Variants in ARHGAP15 observed in about 807,000 individuals in gnomAD.
ARHGAP15 encodes the protein rho GTPase-activating protein 15.
In ARHGAP15, 51 loss-of-function variants were observed where a neutral mutation model predicts 63.7. That is an observed-to-expected ratio of 0.80 (90% CI 0.64 to 1.01). The LOEUF (loss-of-function observed/expected upper bound fraction) is 1.01. Among genes scored for constraint, ARHGAP15 ranks in the 50% least tolerant of loss-of-function variants. The pLI, the probability that ARHGAP15 is intolerant of heterozygous loss-of-function variation, is 0.00. For missense variants in ARHGAP15, 560 were observed against 564.6 expected (o/e 0.99, Z 0.08); for synonymous variants, 191 against 193.8 (o/e 0.99, Z 0.12).
chr2:143,429,007 A>T (rs1445793697), intron 6 of ARHGAP15, among the ~76,000 whole-genome samples: 1 of 152,050 alleles, frequency 6.6e-6, no homozygotes, highest in Non-Finnish European at 1.5e-5. Context: ...GTCTAAGTTG[A>T]TATCTTTATA....
At chr2:143,592,596 T>C (rs944660062) in intron 11 of ARHGAP15, among the ~76,000 whole-genome samples, 11 of 152,174 alleles carry the variant, frequency 7.2e-5, no homozygotes, top group African/African-American at 2.2e-4. Flanking sequence ...ATAGTCCAGG[T>C]CTCCTTAAGT....
intron 11 of ARHGAP15, among the ~76,000 whole-genome samples, chr2:143,622,752 T>G (rs932828167): frequency 8.2e-6 from 1 of 122,164 alleles, no homozygotes; most frequent in African/African-American, 3.3e-5. Flanking sequence ...CCACTTACTA[T>G]AAGCCTTAGA....
At chr2:143,297,370 C>A (rs1054644144) in intron 6 of ARHGAP15, among the ~76,000 whole-genome samples, 6 of 151,974 alleles carry the variant, frequency 3.9e-5, no homozygotes, top group Non-Finnish European at 8.8e-5. Flanking sequence ...TGTGTGTGAA[C>A]ATGGTTGACT....
At chr2:143,481,146 G>A (rs1692061415) in intron 8 of ARHGAP15, among the ~76,000 whole-genome samples, 1 of 151,922 alleles carries the variant, frequency 6.6e-6, no homozygotes, top group South Asian at 2.1e-4. Context: ...ACTGCAGAGT[G>A]GTAAGATGAT....
intron 3 of ARHGAP15, among the ~76,000 whole-genome samples, chr2:143,205,255 T>TAAAA (rs71301732): frequency 5.9e-5 from 5 of 85,460 alleles, no homozygotes; most frequent in African/African-American, 1.7e-4. Context: ...CAGAGAGAGA[T>TAAAA]AAAAAAAAAA....
intron 13 of ARHGAP15, among the ~76,000 whole-genome samples, chr2:143,713,130 A>C (rs1384440333): frequency 6.6e-6 from 1 of 152,210 alleles, no homozygotes; most frequent in Non-Finnish European, 1.5e-5. Flanking sequence ...CATGCTTCTG[A>C]TAAAGACATA....
intron 9 of ARHGAP15, among the ~76,000 whole-genome samples, chr2:143,500,621 G>T (rs146519174): frequency 1.6e-3 from 248 of 152,186 alleles, no homozygotes; most frequent in African/African-American, 5.9e-3. Context: ...AAGAAAATGT[G>T]TTATATATTT....
chr2:143,214,885 A>G (rs1321977997), intron 3 of ARHGAP15, among the ~76,000 whole-genome samples: 9 of 152,212 alleles, frequency 5.9e-5, no homozygotes, highest in Non-Finnish European at 8.8e-5. Context: ...ACCTCTAAAT[A>G]TCTCTTCCTT....
In ARHGAP15 at chr2:143,453,475, T is replaced by C. The variant is rs146745244; in HGVS notation, c.703+16433T>C. Among the ~76,000 whole-genome samples, 401 of 152,184 alleles carry C rather than the reference T, an allele frequency of 2.6e-3. 5 individuals carry two copies. Among genetic ancestry groups the C allele is most frequent in the Admixed American group, 0.017 (266 of 15,238 alleles). On this transcript the variant is annotated intron_variant, in intron 8 of 13. Transcript: ENST00000295095. ...ATAGCATTGTTTGGGAGAATGTAAG[T>C]ACTCAATAAATGTTAATCATAACGT...
At chr2:143,638,721 C>T (rs1056832936) in intron 12 of ARHGAP15, among the ~76,000 whole-genome samples, 2 of 140,870 alleles carry the variant, frequency 1.4e-5, no homozygotes, top group Admixed American at 1.4e-4. Context: ...AGAGACATTC[C>T]AAATTTACAA....
At chr2:143,306,283 C>T (rs1029455631) in intron 6 of ARHGAP15, among the ~76,000 whole-genome samples, 3 of 152,110 alleles carry the variant, frequency 2.0e-5, no homozygotes, top group Non-Finnish European at 4.4e-5. Context: ...ACAGTGGTTA[C>T]TACAGTGTTC....
chr2:143,735,766 A>T (rs1170958501), intron 13 of ARHGAP15, among the ~76,000 whole-genome samples: 1 of 152,182 alleles, frequency 6.6e-6, no homozygotes, highest in African/African-American at 2.4e-5. Context: ...TCAAAAAAAA[A>T]TCCACTTATC....
At chr2:143,555,900 T>C (rs62173114) in intron 10 of ARHGAP15, among the ~76,000 whole-genome samples, 2 of 75,616 alleles carry the variant, frequency 2.6e-5, no homozygotes, top group Admixed American at 1.1e-4. Flanking sequence ...TAGAATAGAA[T>C]AGAATAGAAT....
intron 11 of ARHGAP15, chr2:143,608,213 G>A (rs1319583944): frequency 6.6e-6 from 1 of 152,172 alleles, no homozygotes; most frequent in Non-Finnish European, 1.5e-5. Context: ...CGGCCGTTAA[G>A]ATTTGCTTCA....
intron 6 of ARHGAP15, among the ~76,000 whole-genome samples, chr2:143,323,991 T>G (rs1684144603): frequency 6.6e-6 from 1 of 150,958 alleles, no homozygotes; most frequent in South Asian, 2.1e-4. Flanking sequence ...CTTAAAATGC[T>G]TTATAATTAG....
At chr2:143,331,427 T>A (rs1684542249) in intron 6 of ARHGAP15, among the ~76,000 whole-genome samples, 1 of 152,180 alleles carries the variant, frequency 6.6e-6, no homozygotes, top group African/African-American at 2.4e-5. Flanking sequence ...TCTCCTTTAC[T>A]AGACTGTCCA....
intron 13 of ARHGAP15, among the ~76,000 whole-genome samples, chr2:143,767,710 AT>A (rs1559167711): frequency 6.6e-6 from 1 of 151,988 alleles, no homozygotes; most frequent in South Asian, 2.1e-4. Flanking sequence ...TTTCACAGTC[AT>A]TTTTGCTGTT....
intron 12 of ARHGAP15, 62 bp from the exon 13 acceptor site, chr2:143,703,357 A>G (rs1212892144): frequency 2.2e-6 from 3 of 1,379,496 alleles, no homozygotes; most frequent in African/African-American, 2.9e-5. Context: ...AAATTTTCTC[A>G]TGTACCTGTA....
At chr2:143,302,437 C>T (rs1241405158) in intron 6 of ARHGAP15, among the ~76,000 whole-genome samples, 1 of 152,018 alleles carries the variant, frequency 6.6e-6, no homozygotes, top group Admixed American at 6.6e-5. Flanking sequence ...ATAATTCTGA[C>T]ACTTTATATC....
Sources: gnomAD v4.1 joint callset for allele counts (sites outside exome capture counted in the v4.1 genomes callset) on GRCh38, gnomAD v4.1.1 for gene constraint, MANE v1.5 for transcripts, NCBI Gene and HGNC (gene_info 2026-07-23, HGNC 2026-07-21) for gene names.